The following SLCO1B3 variants were observed in gnomAD, a reference collection of about 807,000 sequenced individuals.
The protein encoded by SLCO1B3 is solute carrier organic anion transporter family member 1B3.
In SLCO1B3, 72 loss-of-function variants were observed where a neutral mutation model predicts 71.8. That is an observed-to-expected ratio of 1.00 (90% CI 0.83 to 1.22). The LOEUF is 1.22. Ranked by LOEUF, SLCO1B3 falls within the 50% of genes most tolerant of loss-of-function variation. The pLI, the probability that SLCO1B3 is intolerant of heterozygous loss-of-function variation, is 0.00. For missense variants in SLCO1B3, 911 were observed against 819.7 expected, an observed-to-expected ratio of 1.11 and a Z score of -1.36; for synonymous variants, 298 against 278.4, an observed-to-expected ratio of 1.07 and a Z score of -0.70.
intron 8 of SLCO1B3, among the ~76,000 whole-genome samples, 183 bp from the exon 9 acceptor site, chr12:20,875,052 G>A (rs1186030560): frequency 6.6e-6 from 1 of 152,174 alleles, no homozygotes; most frequent in Non-Finnish European, 1.5e-5. Flanking sequence ...ATTGCAAGAT[G>A]TCATCAACCT....
intron 8 of SLCO1B3, among the ~76,000 whole-genome samples, chr12:20,866,771 T>C (rs1289477210): frequency 6.6e-6 from 1 of 152,022 alleles, no homozygotes; most frequent in Non-Finnish European, 1.5e-5. Flanking sequence ...ATGAGGAAGA[T>C]AAGTGAGTAC....
rs776334232 is a variant in SLCO1B3 at position 20,861,039 on chromosome 12, CA to C, written c.383del (p.His128LeufsTer16). The C allele has an allele frequency of 6.3e-7, 1 of 1,590,126 alleles. No homozygotes were observed. The highest frequency in any genetic ancestry group is 8.6e-7 in the Non-Finnish European group (1 of 1,164,270). On this transcript the variant is annotated frameshift_variant, in exon 6 of 16. Coordinates refer to ENST00000381545, the MANE Select transcript of SLCO1B3 (RefSeq NM_019844.4). LOFTEE classifies it high-confidence loss of function. ...MGYYRYSKETHINPSENSTSS... is the reference protein window; with the variant it reads ...MGYYRYSKETXINPSENSTSS... Reference sequence around the variant, plus strand: ...CAGTTATAGGTATTCTAAAGAAACCCATATTAATCCATCAGAAAATTCAACA... The same window carrying C: ...CAGTTATAGGTATTCTAAAGAAACCCTATTAATCCATCAGAAAATTCAACA...
At chr12:20,899,138 T>C (rs1866077434) in intron 14 of SLCO1B3, among the ~76,000 whole-genome samples, 1 of 152,236 alleles carries the variant, frequency 6.6e-6, no homozygotes, top group Non-Finnish European at 1.5e-5. Flanking sequence ...CTCTAGAGGC[T>C]AAAGGCCTAT....
intron 3 of SLCO1B3, among the ~76,000 whole-genome samples, chr12:20,850,561 C>T (rs553361275): frequency 4.6e-5 from 7 of 152,222 alleles, no homozygotes; most frequent in East Asian, 1.9e-4. Context: ...GGAATATAGG[C>T]GTAAGCCACC....
At chr12:20,828,584 G>T (rs1339442778) in intron 3 of SLCO1B3, among the ~76,000 whole-genome samples, 1 of 151,458 alleles carries the variant, frequency 6.6e-6, no homozygotes, top group African/African-American at 2.4e-5. Context: ...GAAGAAAAAA[G>T]AACTTTTTCT....
At chr12:20,904,966 G>A (rs1866211890) in intron 15 of SLCO1B3, among the ~76,000 whole-genome samples, 1 of 151,790 alleles carries the variant, frequency 6.6e-6, no homozygotes, top group African/African-American at 2.4e-5. Context: ...TAGAGATGGG[G>A]TCTTGCCATG....
intron 15 of SLCO1B3, among the ~76,000 whole-genome samples, chr12:20,912,439 G>C (rs1031455477): frequency 6.7e-6 from 1 of 149,540 alleles, no homozygotes; most frequent in Admixed American, 6.7e-5. Context: ...AACAATTCTC[G>C]TGTCTTGGCC....
At chr12:20,834,639 A>G (rs1417782452) in intron 3 of SLCO1B3, among the ~76,000 whole-genome samples, 1 of 151,984 alleles carries the variant, frequency 6.6e-6, no homozygotes, top group African/African-American at 2.4e-5. Context: ...ATCAGTGCTC[A>G]GTGTGTATAA....
chr12:20,910,809 TC>T (rs1048622725), intron 15 of SLCO1B3, among the ~76,000 whole-genome samples: 15 of 152,198 alleles, frequency 9.9e-5, no homozygotes, highest in African/African-American at 3.4e-4. Context: ...TAATCTTATA[TC>T]CTGCAAACTT....
chr12:20,904,254 T>C (rs1167848692), intron 15 of SLCO1B3, among the ~76,000 whole-genome samples: 2 of 150,846 alleles, frequency 1.3e-5, no homozygotes, highest in Non-Finnish European at 3.0e-5. Context: ...AAAAAAAAAT[T>C]AGTTACTTCC....
rs148910330 is a variant in SLCO1B3 at position 20,908,387 on chromosome 12, C to T, written c.1865+6920C>T. On this transcript the variant is annotated intron_variant, in intron 15 of 15. Transcript: ENST00000381545. ...ACAAACCAGATTGACACATCTTTATCACTCAGGATCCACAGTTTACATCAG... is the reference window on the plus strand; with the variant it reads ...ACAAACCAGATTGACACATCTTTATTACTCAGGATCCACAGTTTACATCAG... Among the ~76,000 whole-genome samples the T allele has an allele frequency of 9.2e-5, 14 of 152,286 alleles. No homozygotes were observed. The East Asian group carries it at 2.7e-3, about 29-fold the overall frequency.
intron 6 of SLCO1B3, among the ~76,000 whole-genome samples, chr12:20,861,830 TAAAG>T (rs1865272148): frequency 6.6e-6 from 1 of 152,028 alleles, no homozygotes; most frequent in Non-Finnish European, 1.5e-5. Flanking sequence ...CAATACATAT[TAAAG>T]AACAAAAATA....
chr12:20,834,573 A>G (rs180850500), intron 3 of SLCO1B3, among the ~76,000 whole-genome samples: 10 of 151,486 alleles, frequency 6.6e-5, no homozygotes, highest in African/African-American at 2.4e-4. Flanking sequence ...TCTCTGTACC[A>G]TAAATTAAGC....
At chr12:20,858,356 A>G in intron 4 of SLCO1B3, 83 bp from the exon 5 acceptor site, 2 of 933,730 alleles carry the variant, frequency 2.1e-6, no homozygotes, top group South Asian at 1.5e-5. Context: ...TCTTGGGCAT[A>G]TTTGCATTCA....
chr12:20,885,056 C>A (rs1391448808), intron 13 of SLCO1B3, among the ~76,000 whole-genome samples: 1 of 152,062 alleles, frequency 6.6e-6, no homozygotes, highest in Non-Finnish European at 1.5e-5. Context: ...TTAATTGAAA[C>A]CTTTTCATGA....
intron 15 of SLCO1B3, among the ~76,000 whole-genome samples, chr12:20,914,760 T>C (rs1328458881): frequency 1.3e-5 from 2 of 152,170 alleles, no homozygotes; most frequent in East Asian, 3.8e-4. Flanking sequence ...ACTTAGCTTT[T>C]GAAAGATAAT....
At chr12:20,866,280 T>A (rs1326749611) in intron 8 of SLCO1B3, among the ~76,000 whole-genome samples, 1 of 152,062 alleles carries the variant, frequency 6.6e-6, no homozygotes, top group Non-Finnish European at 1.5e-5. Flanking sequence ...ACAAGGACCA[T>A]TGTAAAACAA....
chr12:20,863,621 C>G (rs1865314138), intron 8 of SLCO1B3, among the ~76,000 whole-genome samples: 1 of 152,072 alleles, frequency 6.6e-6, no homozygotes, highest in African/African-American at 2.4e-5. Context: ...TCTGCCTCTC[C>G]TCCATCTGCA....
chr12:20,833,870 T>G (rs532959296), intron 3 of SLCO1B3, among the ~76,000 whole-genome samples: 149 of 138,078 alleles, frequency 1.1e-3, no homozygotes, highest in African/African-American at 3.6e-3. Context: ...CTATATACTA[T>G]ATATAGTGTA....
Sources: gnomAD v4.1 joint callset for allele counts (sites outside exome capture counted in the v4.1 genomes callset) on GRCh38, gnomAD v4.1.1 for gene constraint, MANE v1.5 for transcripts, NCBI Gene and HGNC (gene_info 2026-07-23, HGNC 2026-07-21) for gene names.